The following FBRSL1 variants were observed in gnomAD, a reference collection of about 807,000 sequenced individuals.
FBRSL1 encodes fibrosin-1-like protein.
Under a neutral mutation model 89.6 loss-of-function variants are expected in FBRSL1, and 51 were observed. The ratio of observed to expected loss-of-function variants is 0.57; its 90% CI spans 0.45 to 0.72. The LOEUF (loss-of-function observed/expected upper bound fraction) is 0.72, where lower values mean the gene tolerates loss of function less well. FBRSL1 is among the 30% of genes least tolerant of loss of function. FBRSL1 has a pLI of 0.00. For missense variants in FBRSL1, 1,618 were observed against 1,451.8 expected (o/e 1.11, Z -1.86); for synonymous variants, 779 against 681.1 (o/e 1.14, Z -2.24).
intron 2 of FBRSL1, 101 bp from the exon 3 acceptor site, chr12:132,525,633 G>T (rs1048060814): frequency 1.7e-5 from 16 of 942,562 alleles, no homozygotes; most frequent in Non-Finnish European, 2.3e-5. Context: ...GGGCCGGGGT[G>T]CTGGGGTGCC....
chr12:132,576,560 T>G (rs1194840148), intron 14 of FBRSL1, among the ~76,000 whole-genome samples: 1 of 152,244 alleles, frequency 6.6e-6, no homozygotes, highest in Non-Finnish European at 1.5e-5. Context: ...GCATCCCAGC[T>G]GCCATGTGCC....
In FBRSL1 at chr12:132,583,283, C is replaced by A. The variant is rs1046887934; in HGVS notation, c.2514C>A (p.Leu838=). 8.0e-7 allele frequency: 1 copy of A among 1,247,784 alleles called. No individual in the cohort carries two copies. 77.3% of individuals were successfully genotyped at this position (1,247,784 alleles called of 1,614,324 possible). Residue 838 remains leucine, a synonymous_variant, in exon 19 of 19, where the codon CTC becomes CTA. Transcript: ENST00000680143. ...GCCTGCACCCCGCGCCCCTGCAGCT[C>A]GGCCTGGGCCGCGAGCGCCTGGGCG... is the stretch of plus-strand genomic sequence containing the variant. The part of the protein sequence containing the change: ...AGGLHPAPLQ[L]GLGRERLGAP...
Position 132,528,093 on chromosome 12 carries a change from C to G in FBRSL1, c.615+105C>G, listed in dbSNP as rs369077293. On this transcript the variant is annotated intron_variant, in intron 4 of 18. Transcript: ENST00000680143. ...CCCACAACTTAGCTCACCCCAGTCC[C>G]GTGCCCGCTTTCCCTCTGGAGCCCC... The G allele has an allele frequency of 6.8e-6, 7 of 1,022,062 alleles. No homozygotes were observed. In the Admixed American group the frequency reaches 1.4e-4, roughly 21 times the overall value. The allele number at this position is 1,022,062 out of a possible 1,614,324, so 63.3% of individuals were successfully genotyped here.
chr12:132,564,790 C>T (rs1010932120), intron 5 of FBRSL1, among the ~76,000 whole-genome samples: 3 of 138,464 alleles, frequency 2.2e-5, no homozygotes, highest in Non-Finnish European at 4.6e-5. Flanking sequence ...CCACCACGCC[C>T]GGCTAATTTT....
chr12:132,528,114 GC>G, intron 4 of FBRSL1, 126 bp downstream of exon 4: 2 of 839,660 alleles, frequency 2.4e-6, no homozygotes, highest in Non-Finnish European at 3.9e-6. Flanking sequence ...TCCCTCTGGA[GC>G]CCCAGACTGG....
intron 2 of FBRSL1, among the ~76,000 whole-genome samples, chr12:132,520,888 C>T (rs182307912): frequency 2.1e-4 from 32 of 152,304 alleles, no homozygotes; most frequent in Admixed American, 1.6e-3. Context: ...GATTCGGGGA[C>T]GGCTTTGTGG....
At position 132,546,856 on chromosome 12, in the gene FBRSL1, C is replaced by A. The variant is rs1243998544; in HGVS notation, c.616-1147C>A. The stretch of plus-strand genomic sequence containing the variant: ...GTGTCTGCTAAAGCGCATTTCACAC[C>A]GTACTGTGAGCTCCGTCGCTGAACA... On this transcript the variant is annotated intron_variant, in intron 4 of 18. Transcript: ENST00000680143. This position sits in a 1 kb window ranked among gnomAD's most constrained non-coding sequence, Gnocchi z 4.0. 1.3e-5 allele frequency among the ~76,000 whole-genome samples: 2 copies of A among 152,214 alleles called. No individual in the cohort carries two copies. Among genetic ancestry groups the A allele is most frequent in the Non-Finnish European group, 2.9e-5 (2 of 68,036 alleles).
At chr12:132,515,497 G>A (rs2034754687) in intron 2 of FBRSL1, among the ~76,000 whole-genome samples, 1 of 150,610 alleles carries the variant, frequency 6.6e-6, no homozygotes. Context: ...AAAGAAGAAA[G>A]GTCTAGAATC....
In FBRSL1 at chr12:132,567,658, G is replaced by C. The variant is rs555108419; in HGVS notation, c.691+132G>C. The C allele has an allele frequency of 4.9e-5, 46 of 934,286 alleles. No homozygotes were observed. In the African/African-American group the frequency reaches 6.9e-4, roughly 14 times the overall value. 57.9% of individuals were successfully genotyped at this position (934,286 alleles called of 1,614,324 possible). A position where few individuals can be genotyped will look rare whatever the true frequency, so the allele number is the denominator to read the frequency against. ...GCACCTGGGGTGCAGAGCTGGGTGG[G>C]ACCAGGGTGCTGGGATTGCTGGGAA... On this transcript the variant is annotated intron_variant, in intron 6 of 18. Coordinates refer to ENST00000680143, the MANE Select transcript of FBRSL1 (RefSeq NM_001367871.1).
chr12:132,574,431 G>C (rs1300295898), intron 13 of FBRSL1, 62 bp from the exon 14 acceptor site: 2 of 1,548,470 alleles, frequency 1.3e-6, no homozygotes, highest in South Asian at 1.2e-5. Context: ...GACAGCAGGA[G>C]TCTGCAGAAA....
intron 2 of FBRSL1, among the ~76,000 whole-genome samples, chr12:132,515,159 C>T (rs988869654): frequency 3.9e-5 from 6 of 152,166 alleles, no homozygotes; most frequent in Non-Finnish European, 7.3e-5. Context: ...GAGGCCAGAC[C>T]TCATGCATCA....
At chr12:132,501,960 C>A (rs932466007) in intron 1 of FBRSL1, among the ~76,000 whole-genome samples, 1 of 152,258 alleles carries the variant, frequency 6.6e-6, no homozygotes, top group Non-Finnish European at 1.5e-5. Flanking sequence ...TTGTCTTCCT[C>A]TAAATCTAAA....
intron 15 of FBRSL1, among the ~76,000 whole-genome samples, chr12:132,578,328 G>T (rs543092229): frequency 3.6e-3 from 151 of 41,472 alleles, no homozygotes; most frequent in Middle Eastern, 0.011. Context: ...CTGGGCAACA[G>T]AGCAAGACCC....
In FBRSL1 at chr12:132,531,361, G is replaced by T. The variant is rs143705972; in HGVS notation, c.615+3373G>T. 2.1e-3 allele frequency among the ~76,000 whole-genome samples: 317 copies of T among 152,264 alleles called. 1 individual carries two copies. Among genetic ancestry groups the T allele is most frequent in the Middle Eastern group, 6.8e-3 (2 of 294 alleles). The stretch of plus-strand genomic sequence containing the variant: ...CCTAGGCTGAGGCTGCCATGTGTGT[G>T]TGGGCGTGTGTGTGCATGTGCATGT... On this transcript the variant is annotated intron_variant, in intron 4 of 18. Transcript: ENST00000680143.
intron 4 of FBRSL1, among the ~76,000 whole-genome samples, chr12:132,531,639 G>A (rs541331455): frequency 5.9e-5 from 9 of 152,284 alleles, no homozygotes; most frequent in African/African-American, 1.4e-4. Context: ...TGCACATGGC[G>A]TTGCGTGTTG....
chr12:132,579,376 A>G (rs1268180057), intron 15 of FBRSL1, among the ~76,000 whole-genome samples: 1 of 152,220 alleles, frequency 6.6e-6, no homozygotes, highest in Non-Finnish European at 1.5e-5. Context: ...AGGTATTAGT[A>G]GAATTACTCA....
intron 4 of FBRSL1, among the ~76,000 whole-genome samples, chr12:132,547,064 T>C (rs2037748602): frequency 6.6e-6 from 1 of 152,198 alleles, no homozygotes; most frequent in South Asian, 2.1e-4. Flanking sequence ...TAATTGCAGT[T>C]GCCAGGAGGG....
chr12:132,565,508 T>TGTACACGTACCTGAGTGTGCTCAC (rs1566214390), intron 5 of FBRSL1: 6 of 30,690 alleles, frequency 2.0e-4, no homozygotes, highest in African/African-American at 1.6e-3. Context: ...ACTGTCCTCA[T>TGTACACGTACCTGAGTGTGCTCAC]GTACACGTAC....
At chr12:132,577,067 T>TA (rs2040427165) in intron 15 of FBRSL1, 136 bp downstream of exon 15, 3 of 1,242,510 alleles carry the variant, frequency 2.4e-6, no homozygotes, top group Admixed American at 5.3e-5. Flanking sequence ...GCTCACCACT[T>TA]ATTCAGGTCA....
Sources: allele counts gnomAD v4.1 joint callset (sites outside exome capture counted in the v4.1 genomes callset), GRCh38; gene constraint gnomAD v4.1.1; non-coding constraint Gnocchi (gnomAD v3.1); transcripts MANE v1.5; gene names NCBI Gene and HGNC (gene_info 2026-07-23, HGNC 2026-07-21).